The following GPR155 variants were observed in gnomAD, a reference collection of about 807,000 sequenced individuals.
GPR155 encodes lysosomal cholesterol signaling protein.
GPR155 carries 65 observed loss-of-function variants against 93.1 expected under a neutral mutation model. The observed-to-expected ratio is 0.70, with a 90% CI of 0.57 to 0.86. The LOEUF is 0.86. Among genes scored for constraint, GPR155 ranks in the 40% least tolerant of loss-of-function variants. The pLI is 0.00. For synonymous variants in GPR155, 319 were observed against 360.1 expected, an observed-to-expected ratio of 0.89 and a Z score of 1.29; for missense variants, 838 against 1,034.8, an observed-to-expected ratio of 0.81 and a Z score of 2.61.
At position 174,481,747 on chromosome 2, in the gene GPR155, G is replaced by A. The variant is rs1688327842; in HGVS notation, c.210C>T (p.Ala70=). The A allele has an allele frequency of 6.2e-7, 1 of 1,613,926 alleles. No individual in the cohort carries two copies. The highest frequency in any genetic ancestry group is 1.1e-5 in the South Asian group (1 of 91,068). Residue 70 remains alanine, a synonymous_variant, in exon 2 of 16, where the codon GCC becomes GCT. Coordinates refer to ENST00000392552, the MANE Select transcript of GPR155 (RefSeq NM_152529.7). ...TGGAGACAAAATTTCCTAGTCCTTT[G>A]GCCTGGGTTGATGTTATGACATTGG... The part of the protein sequence containing the change: ...GRANVITSTQ[A]KGLGNFVSRF...
At chr2:174,474,364 AAAG>A (rs1459128096) in intron 2 of GPR155, among the ~76,000 whole-genome samples, 6 of 152,234 alleles carry the variant, frequency 3.9e-5, no homozygotes, top group African/African-American at 1.4e-4. Context: ...GAATGCCTTC[AAAG>A]AAGACCAGTG....
chr2:174,479,415 G>A (rs1688257983), intron 2 of GPR155, among the ~76,000 whole-genome samples: 1 of 152,180 alleles, frequency 6.6e-6, no homozygotes, highest in African/African-American at 2.4e-5. Flanking sequence ...GCATAAGAGA[G>A]TGCCCAGGAT....
intron 2 of GPR155, among the ~76,000 whole-genome samples, chr2:174,478,000 C>A (rs73022177): frequency 0.012 from 1,767 of 152,242 alleles, 31 homozygotes; most frequent in African/African-American, 0.04. Flanking sequence ...CTGTTTACAG[C>A]TCAAGCACTA....
chr2:174,460,010 G>T lies in GPR155; in HGVS notation c.1639C>A (p.Gln547Lys). Residue 547 changes from glutamine (Q) to lysine (K), a missense_variant, in exon 10 of 16, where the codon CAA (glutamine) becomes AAA (lysine). Gln to Lys is a moderately conservative substitution (Grantham distance 53). This residue lies in a region of GPR155 where 663 missense variants were observed against 790.1 expected (regional missense o/e 0.84). Coordinates refer to ENST00000392552, the MANE Select transcript of GPR155 (RefSeq NM_152529.7). ...ISLMCMNQTA[Q>K]AGSYEGFDQS... ...TCGAAACCTTCATAGCTTCCTGCTTGGGCAGTCTGGTTCATGCACATGAGG... is the reference window on the plus strand; with the variant it reads ...TCGAAACCTTCATAGCTTCCTGCTTTGGCAGTCTGGTTCATGCACATGAGG... 6.2e-7 allele frequency: 1 copy of T among 1,613,946 alleles called. No homozygotes were observed. The highest frequency in any genetic ancestry group is 8.5e-7 in the Non-Finnish European group (1 of 1,179,958).
chr2:174,482,083 G>T, intron 1 of GPR155, 96 bp from the exon 2 acceptor site: 1 of 641,332 alleles, frequency 1.6e-6, no homozygotes, highest in South Asian at 2.0e-5. Flanking sequence ...CTTATTAAAT[G>T]GCCAAATAAA....
intron 15 of GPR155, 114 bp downstream of exon 15, chr2:174,439,784 A>T (rs1442131693): frequency 1.2e-6 from 1 of 832,264 alleles, no homozygotes; most frequent in African/African-American, 1.8e-5. Context: ...TGCATATGTA[A>T]AAATAATCAT....
chr2:174,479,713 G>A (rs1206556223), intron 2 of GPR155, among the ~76,000 whole-genome samples: 1 of 152,134 alleles, frequency 6.6e-6, no homozygotes, highest in African/African-American at 2.4e-5. Flanking sequence ...ACACTGTGGT[G>A]CCGAGTCAGT....
At chr2:174,454,563 G>A (rs1687432018) in intron 10 of GPR155, among the ~76,000 whole-genome samples, 1 of 151,902 alleles carries the variant, frequency 6.6e-6, no homozygotes, top group Non-Finnish European at 1.5e-5. Context: ...GATGAGGTGG[G>A]AGGACTGCTT....
chr2:174,459,887 G>T lies in GPR155; in HGVS notation c.1762C>A (p.Pro588Thr). 1 of 1,603,174 alleles carries T rather than the reference G, an allele frequency of 6.2e-7. No homozygotes were observed. Among genetic ancestry groups the T allele is most frequent in the East Asian group, 2.2e-5 (1 of 44,814 alleles). ...ATTAAAAAGATCATACTTGTTTCTG[G>T]AATAGAGCTTGTAAAAAGTTCTGGT... The part of the protein sequence containing the change: ...NEPELFTSSI[P>T]ETSCCSCSMG... Residue 588 changes from proline to threonine, a missense_variant, in exon 10 of 16, where the codon CCA becomes ACA. Coordinates refer to ENST00000392552, the MANE Select transcript of GPR155 (RefSeq NM_152529.7).
chr2:174,442,210 T>G, intron 13 of GPR155, 27 bp from the exon 14 acceptor site: 1 of 1,155,696 alleles, frequency 8.7e-7, no homozygotes, highest in Non-Finnish European at 1.3e-6. Context: ...AGTTATTTTT[T>G]TCAGAATTCA....
chr2:174,458,191 G>C (rs1271207355), intron 10 of GPR155, among the ~76,000 whole-genome samples: 1 of 152,154 alleles, frequency 6.6e-6, no homozygotes, highest in African/African-American at 2.4e-5. Context: ...AGAATTAAAA[G>C]TTTCTTTTCT....
At chr2:174,437,725 C>T (rs572890459) in intron 15 of GPR155, among the ~76,000 whole-genome samples, 1 of 151,958 alleles carries the variant, frequency 6.6e-6, no homozygotes, top group Non-Finnish European at 1.5e-5. Flanking sequence ...GATGGGATTA[C>T]AGGCATGCGC....
In GPR155 at chr2:174,481,657, C is replaced by T. The variant is rs760987692; in HGVS notation, c.300G>A (p.Trp100Ter). The T allele has an allele frequency of 6.2e-7, 1 of 1,613,862 alleles. No homozygotes were observed. The highest frequency in any genetic ancestry group is 8.5e-7 in the Non-Finnish European group (1 of 1,179,858). Residue 100 changes from tryptophan to a stop codon, truncating the protein, a stop_gained, in exon 2 of 16, where the codon TGG becomes TGA. Transcript: ENST00000392552. LOFTEE classifies it high-confidence loss of function. Reference sequence around the variant, plus strand: ...CAATTAAGATACTATATAGGAAGGACCAGTCCACATTGGAAAAATTAAGTA... The same window carrying T: ...CAATTAAGATACTATATAGGAAGGATCAGTCCACATTGGAAAAATTAAGTA... ...MVVLNFSNVD[W>*]SFLYSILIAK...
intron 1 of GPR155, among the ~76,000 whole-genome samples, chr2:174,483,831 C>T (rs557869479): frequency 2.0e-5 from 3 of 152,154 alleles, no homozygotes; most frequent in Admixed American, 1.3e-4. Flanking sequence ...GTGATCTGCC[C>T]GCCTCGGCCT....
chr2:174,467,671 T>G (rs1490819474), intron 5 of GPR155, among the ~76,000 whole-genome samples: 1 of 152,226 alleles, frequency 6.6e-6, no homozygotes, highest in Non-Finnish European at 1.5e-5. Context: ...TCATGGGGTA[T>G]CTAAATGCCA....
At chr2:174,484,110 C>A (rs10221679) in intron 1 of GPR155, among the ~76,000 whole-genome samples, 21,863 of 152,186 alleles carry the variant, frequency 0.14, 1,770 homozygotes, top group South Asian at 0.19. Flanking sequence ...CTTGTATAAA[C>A]CGAACCATTT....
intron 3 of GPR155, among the ~76,000 whole-genome samples, chr2:174,472,412 A>C (rs979967997): frequency 2.0e-5 from 3 of 152,090 alleles, no homozygotes; most frequent in Admixed American, 2.0e-4. Flanking sequence ...TTTCAAACAA[A>C]AACAAAAACA....
chr2:174,453,031 T>C (rs73022159), intron 11 of GPR155, among the ~76,000 whole-genome samples: 10,831 of 152,262 alleles, frequency 0.071, 1,239 homozygotes, highest in African/African-American at 0.24. Flanking sequence ...CAAAATATAA[T>C]TAAGAACTAA....
At chr2:174,439,739 CTA>C (rs1244883006) in intron 15 of GPR155, among the ~76,000 whole-genome samples, 157 bp downstream of exon 15, 2 of 152,102 alleles carry the variant, frequency 1.3e-5, no homozygotes, top group Admixed American at 1.3e-4. Flanking sequence ...ATTTCTGAAA[CTA>C]TAAACTCACT....
Sources: allele counts gnomAD v4.1 joint callset (sites outside exome capture counted in the v4.1 genomes callset), GRCh38; gene constraint gnomAD v4.1.1; regional missense constraint gnomAD v4.1.1; transcripts MANE v1.5; gene names NCBI Gene and HGNC (gene_info 2026-07-23, HGNC 2026-07-21).